Variants in PPP6R2 observed in about 807,000 individuals in gnomAD.
PPP6R2 encodes serine/threonine-protein phosphatase 6 regulatory subunit 2.
A neutral mutation model predicts 100.2 loss-of-function variants in PPP6R2; 62 were observed. That is an observed-to-expected ratio of 0.62 (90% CI 0.50 to 0.76). The LOEUF (loss-of-function observed/expected upper bound fraction) is 0.76. Among genes scored for constraint, PPP6R2 ranks in the 30% least tolerant of loss-of-function variants. The pLI, the probability that PPP6R2 is intolerant of heterozygous loss-of-function variation, is 0.00. For synonymous variants in PPP6R2, 525 were observed against 514.7 expected (o/e 1.02, Z -0.27); for missense variants, 1,142 against 1,276.3 (o/e 0.89, Z 1.60).
At chr22:50,368,216 G>T (rs901790294) in intron 1 of PPP6R2, among the ~76,000 whole-genome samples, 38 of 152,222 alleles carry the variant, frequency 2.5e-4, no homozygotes, top group Non-Finnish European at 2.8e-4. Context: ...CCTCCAGATG[G>T]CTGCGGGCGG....
intron 3 of PPP6R2, among the ~76,000 whole-genome samples, chr22:50,406,242 G>A (rs1167917671): frequency 1.4e-5 from 2 of 147,802 alleles, no homozygotes; most frequent in African/African-American, 5.1e-5. Flanking sequence ...GGAGAGAGGT[G>A]AGAGACCTGG....
intron 1 of PPP6R2, among the ~76,000 whole-genome samples, chr22:50,368,847 A>G (rs2049333508): frequency 2.0e-5 from 3 of 152,038 alleles, no homozygotes; most frequent in Non-Finnish European, 4.4e-5. Flanking sequence ...TTAGGGACAC[A>G]CACATTCTTC....
intron 1 of PPP6R2, among the ~76,000 whole-genome samples, chr22:50,359,685 G>A (rs191970774): frequency 7.2e-5 from 11 of 152,302 alleles, no homozygotes; most frequent in Admixed American, 3.9e-4. Flanking sequence ...TAAATCCCCT[G>A]TGGTATGGTG....
chr22:50,401,200 A>G (rs2057958059), intron 3 of PPP6R2, among the ~76,000 whole-genome samples: 1 of 151,810 alleles, frequency 6.6e-6, no homozygotes, highest in Admixed American at 6.6e-5. Context: ...AACATCTGTC[A>G]TATTTTAAAA....
intron 4 of PPP6R2, among the ~76,000 whole-genome samples, chr22:50,413,156 C>G (rs2060011883): frequency 6.6e-6 from 1 of 151,562 alleles, no homozygotes; most frequent in Non-Finnish European, 1.5e-5. Flanking sequence ...GGGGTTTCCT[C>G]CATGTTGAGG....
intron 1 of PPP6R2, among the ~76,000 whole-genome samples, chr22:50,370,500 A>G (rs9616826): frequency 1 from 152,087 of 152,148 alleles, 76,013 homozygotes; most frequent in Middle Eastern, 1. Flanking sequence ...TGTTGGCCAG[A>G]CTGGTCTCGA....
chr22:50,437,988 G>A, intron 17 of PPP6R2, 88 bp downstream of exon 17: 1 of 1,539,078 alleles, frequency 6.5e-7, no homozygotes, highest in Non-Finnish European at 8.9e-7. Context: ...ATGGGCCTGT[G>A]CGGTGGGGCT....
chr22:50,358,135 G>T (rs1374775746), intron 1 of PPP6R2, among the ~76,000 whole-genome samples: 2 of 151,262 alleles, frequency 1.3e-5, no homozygotes, highest in African/African-American at 2.4e-5. Context: ...AAAAATTCTT[G>T]GTAGAGATGG....
chr22:50,339,835 GTGGTGT>G (rs1473356710), upstream of PPP6R2, among the ~76,000 whole-genome samples: 1 of 43,204 alleles, frequency 2.3e-5, no homozygotes, highest in Non-Finnish European at 3.8e-5. Context: ...TGTAGTGTGT[GTGGTGT>G]GTGGTGTGTG....
the PPP6R2 span, among the ~76,000 whole-genome samples, chr22:50,337,920 G>GT: frequency 6.9e-6 from 1 of 144,552 alleles, no homozygotes; most frequent in African/African-American, 2.6e-5. Flanking sequence ...TAGTGTGTGT[G>GT]GTGTGTGGGG....
intron 14 of PPP6R2, 22 bp from the exon 15 acceptor site, chr22:50,436,966 C>T: frequency 2.6e-6 from 4 of 1,546,544 alleles, no homozygotes; most frequent in Non-Finnish European, 3.5e-6. Flanking sequence ...CACACGCCCA[C>T]CCCATCTGGC....
intron 22 of PPP6R2, among the ~76,000 whole-genome samples, chr22:50,442,706 C>T (rs1165815285): frequency 1.3e-5 from 2 of 152,072 alleles, no homozygotes; most frequent in Non-Finnish European, 2.9e-5. Context: ...TCCGCCACCA[C>T]CAGGCCCGGC....
intron 6 of PPP6R2, among the ~76,000 whole-genome samples, chr22:50,418,198 T>C: frequency 6.6e-6 from 1 of 152,132 alleles, no homozygotes; most frequent in Non-Finnish European, 1.5e-5. Context: ...AGTATCTGCA[T>C]TGCATATCTG....
At chr22:50,360,237 G>T (rs958125751) in intron 1 of PPP6R2, among the ~76,000 whole-genome samples, 2 of 151,784 alleles carry the variant, frequency 1.3e-5, no homozygotes, top group African/African-American at 4.8e-5. Context: ...ATTTTTAGTA[G>T]AGATGGGGCT....
chr22:50,400,483 A>G (rs2057842895), intron 3 of PPP6R2, among the ~76,000 whole-genome samples: 1 of 152,270 alleles, frequency 6.6e-6, no homozygotes, highest in South Asian at 2.1e-4. Context: ...TAGTCTCACA[A>G]GTCTGATGTA....
At chr22:50,422,509 T>G in intron 9 of PPP6R2, 129 bp downstream of exon 9, 1,985 of 1,180,550 alleles carry the variant, frequency 1.7e-3, no homozygotes, top group Non-Finnish European at 2.0e-3. Context: ...AAGACGGCCA[T>G]TCCCACACCC....
chr22:50,419,150 G>A (rs547305714), intron 7 of PPP6R2, among the ~76,000 whole-genome samples, 171 bp downstream of exon 7: 2 of 152,336 alleles, frequency 1.3e-5, no homozygotes, highest in South Asian at 4.1e-4. Flanking sequence ...AGAGGGAGGG[G>A]TCTCCAGAGG....
At position 50,440,019 on chromosome 22, in the gene PPP6R2, G is replaced by C. The variant is rs763074311; in HGVS notation, c.2344G>C (p.Gly782Arg). The C allele has an allele frequency of 1.2e-6, 2 of 1,613,470 alleles. No individual in the cohort carries two copies. Among genetic ancestry groups the C allele is most frequent in the South Asian group, 2.2e-5 (2 of 91,072 alleles). The change falls in exon 21 of 24, where the codon GGC (glycine) becomes CGC (arginine). Residue 782 changes from glycine (G) to arginine (R), a missense_variant. This residue lies in a region of PPP6R2 where 550 missense variants were observed against 517.4 expected (regional missense o/e 1.06). Transcript: ENST00000612753. ...GGACACAGAATGCAGCCATGCTGAG[G>C]GCAGCCGGAGCCAAGGCCCTGAGAA... ...PVDTECSHAE[G>R]SRSQGPEKAF...
In PPP6R2 at chr22:50,438,653, A is replaced by G; in HGVS notation, c.2019A>G (p.Gly673=). 2.5e-6 allele frequency: 4 copies of G among 1,613,978 alleles called. No individual in the cohort carries two copies. Among genetic ancestry groups the G allele is most frequent in the Non-Finnish European group, 3.4e-6 (4 of 1,179,972 alleles). Residue 673 remains glycine (G), a synonymous_variant, in exon 19 of 24, where the codon GGA becomes GGG. Coordinates refer to ENST00000612753, the MANE Select transcript of PPP6R2 (RefSeq NM_001242898.2). Reference sequence around the variant, plus strand: ...GCTCAAAGAATGGCCCAGAGCGTGGAGGCCAGGATGGGAAGGCGAGCTTGG... The same window carrying G: ...GCTCAAAGAATGGCCCAGAGCGTGGGGGCCAGGATGGGAAGGCGAGCTTGG... ...ESCSKNGPER[G]GQDGKASLEA... is the part of the protein sequence containing the mutation.
Sources: gnomAD v4.1 joint callset for allele counts (sites outside exome capture counted in the v4.1 genomes callset) on GRCh38, gnomAD v4.1.1 for gene constraint, gnomAD v4.1.1 regional missense constraint, MANE v1.5 for transcripts, NCBI Gene and HGNC (gene_info 2026-07-23, HGNC 2026-07-21) for gene names.